ZNF829: variants seen among roughly 807,000 people sequenced by gnomAD.
ZNF829 encodes the protein zinc finger protein 829.
Under a neutral mutation model 35.2 loss-of-function variants are expected in ZNF829, and 25 were observed. The observed-to-expected ratio is 0.71, with a 90% CI of 0.52 to 0.99. The LOEUF is 0.99. ZNF829 is among the 50% of genes least tolerant of loss of function. The pLI, the probability that ZNF829 is intolerant of heterozygous loss-of-function variation, is 0.00. For missense variants in ZNF829, 417 were observed against 515.3 expected (o/e 0.81, Z 1.85); for synonymous variants, 136 against 163.2 (o/e 0.83, Z 1.27).
chr19:36,895,296 G>A (rs117157045), intron 5 of ZNF829, among the ~76,000 whole-genome samples: 3,657 of 152,242 alleles, frequency 0.024, 79 homozygotes, highest in Middle Eastern at 0.075. Flanking sequence ...GATCAAAAAT[G>A]GCAAAGGGTG....
rs1256346585 is a variant in ZNF829, at chr19:36,890,941, G to A, written c.*551C>T. ...TATATTAGACAAAATCATTCTAACA[G>A]GGTATTATGGGTTGAACTGTATCCC... On this transcript the variant is annotated 3_prime_UTR_variant, in exon 6 of 6. Transcript: ENST00000391711. The A allele has an allele frequency of 6.6e-6, 1 of 152,262 alleles. No individual in the cohort carries two copies. The highest frequency in any genetic ancestry group is 2.4e-5 in the African/African-American group (1 of 41,426). The allele number at this position is 152,262 out of a possible 1,614,324, so 9.4% of individuals were successfully genotyped here.
rs1488551130 is a variant in ZNF829, at chr19:36,891,635, C to T, written c.1156G>A (p.Gly386Arg). 6.2e-7 allele frequency: 1 copy of T among 1,613,368 alleles called. No individual in the cohort carries two copies. The highest frequency in any genetic ancestry group is 8.5e-7 in the Non-Finnish European group (1 of 1,179,838). ...DEKPYECNEC[G>R]KAFNKGSNLT... is the part of the protein sequence containing the mutation. ...TTTGAGCCTTTATTAAAGGCCTTCC[C>T]ACATTCATTACATTCATATGGTTTT... is the stretch of plus-strand genomic sequence containing the variant. Residue 386 changes from glycine to arginine, a missense_variant, in exon 6 of 6, where the codon GGG becomes AGG. Gly to Arg is a moderately radical substitution (Grantham distance 125). Transcript: ENST00000391711.
At chr19:36,899,542 A>T (rs2073143858) in intron 5 of ZNF829, among the ~76,000 whole-genome samples, 1 of 151,958 alleles carries the variant, frequency 6.6e-6, no homozygotes, top group South Asian at 2.1e-4. Context: ...ATTCAAAGTG[A>T]TGGGTATCTA....
At position 36,891,869 on chromosome 19, in the gene ZNF829, G is replaced by A. The variant is rs1330529342; in HGVS notation, c.922C>T (p.His308Tyr). 1.9e-6 allele frequency: 3 copies of A among 1,613,756 alleles called. No homozygotes were observed. The highest frequency in any genetic ancestry group is 2.5e-6 in the Non-Finnish European group (3 of 1,179,934). The change falls in exon 6 of 6, where the codon CAC becomes TAC. Residue 308 changes from histidine (H) to tyrosine (Y), a missense_variant. Coordinates refer to ENST00000391711, the MANE Select transcript of ZNF829 (RefSeq NM_001037232.4). The stretch of plus-strand genomic sequence containing the variant: ...CTCTGATGCTGAATAAGCCTTGAGT[G>A]TTGAGTAAAGGCTTTCCCACATTCT... ...CKECGKAFTQ[H>Y]SRLIQHQRMH... is the part of the protein sequence containing the mutation.
intron 5 of ZNF829, among the ~76,000 whole-genome samples, chr19:36,902,461 C>T (rs2073176380): frequency 6.6e-6 from 1 of 151,214 alleles, no homozygotes; most frequent in South Asian, 2.1e-4. Flanking sequence ...ATGGCAAAAT[C>T]CCATCTCTAC....
intron 5 of ZNF829, chr19:36,906,262 CA>C (rs1208780016): frequency 6.6e-6 from 1 of 152,042 alleles, no homozygotes; most frequent in African/African-American, 2.4e-5. Context: ...TTCTGTTCAT[CA>C]AAAGGTACTA....
intron 5 of ZNF829, chr19:36,905,476 C>A (rs2146242956): frequency 6.6e-6 from 1 of 150,496 alleles, no homozygotes; most frequent in Non-Finnish European, 1.5e-5. Flanking sequence ...TTGCTCTTGT[C>A]CCCCAGGCTG....
chr19:36,906,369 T>C (rs1057273107), intron 5 of ZNF829: 30 of 152,298 alleles, frequency 2.0e-4, no homozygotes, highest in African/African-American at 6.7e-4. Context: ...ATAAGAATTC[T>C]TTGAAACCAA....
chr19:36,899,653 G>C (rs1051615799), intron 5 of ZNF829, among the ~76,000 whole-genome samples: 1 of 150,176 alleles, frequency 6.7e-6, no homozygotes, highest in Admixed American at 6.6e-5. Flanking sequence ...TAAAAAAAAA[G>C]CTCATGAGAA....
Position 36,888,248 on chromosome 19 carries a change from A to G in ZNF829, c.*3244T>C, listed in dbSNP as rs1037681510. The G allele has an allele frequency of 1.2e-4, 18 of 152,202 alleles. No individual in the cohort carries two copies. Among genetic ancestry groups the G allele is most frequent in the Non-Finnish European group, 2.1e-4 (14 of 68,020 alleles). The allele number at this position is 152,202 out of a possible 1,614,324, so 9.4% of individuals were successfully genotyped here. ...TAAATTGTGCTGTCTTGTTTGATCA[A>G]AAGTTTGATAAAACATTTAATAGTA... On this transcript the variant is annotated 3_prime_UTR_variant, in exon 6 of 6. Coordinates refer to ENST00000391711, the MANE Select transcript of ZNF829 (RefSeq NM_001037232.4).
At chr19:36,914,305 G>T (rs891769158) in intron 3 of ZNF829, among the ~76,000 whole-genome samples, 2 of 152,044 alleles carry the variant, frequency 1.3e-5, no homozygotes, top group Non-Finnish European at 2.9e-5. Context: ...AGTCCAAATA[G>T]TAGGAAAACA....
At position 36,891,688 on chromosome 19, in the gene ZNF829, A is replaced by AT. The variant is rs1467098547; in HGVS notation, c.1102dup (p.Ile368AsnfsTer10). On this transcript the variant is annotated frameshift_variant, in exon 6 of 6. Transcript: ENST00000391711. LOFTEE classifies it high-confidence loss of function. ...ATCTGTATGGATTCTCTGATGTTGA[A>AT]TAAGTTCTGAGCTCTGAATAAAGGC... 5 of 1,613,798 alleles carry AT rather than the reference A, an allele frequency of 3.1e-6. No individual in the cohort carries two copies. The highest frequency in any genetic ancestry group is 1.7e-5 in the Admixed American group (1 of 59,938).
At chr19:36,908,943 C>A (rs149774380) in intron 3 of ZNF829, among the ~76,000 whole-genome samples, 38 of 152,184 alleles carry the variant, frequency 2.5e-4, no homozygotes, top group African/African-American at 6.7e-4. Flanking sequence ...AATTCTATAG[C>A]CAGTCAGATT....
Position 36,915,026 on chromosome 19 carries a change from G to T in ZNF829, c.39-4C>A, listed in dbSNP as rs780218593. On this transcript the variant is annotated splice_polypyrimidine_tract_variant and splice_region_variant and intron_variant, in intron 2 of 5. Transcript: ENST00000391711. ...TTCCTCCTCTTCTGGGTGACACCTG[G>T]AGAAAGGTAAAATTGGGAGAGGGAA... is the stretch of plus-strand genomic sequence containing the variant. 3.7e-6 allele frequency: 6 copies of T among 1,614,120 alleles called. No individual in the cohort carries two copies. Among genetic ancestry groups the T allele is most frequent in the South Asian group, 1.1e-5 (1 of 91,072 alleles).
chr19:36,899,270 C>CA (rs199856727), intron 5 of ZNF829, among the ~76,000 whole-genome samples: 61 of 151,966 alleles, frequency 4.0e-4, no homozygotes, highest in African/African-American at 1.4e-3. Flanking sequence ...GGAGACCCCC[C>CA]CCGATCTCTA....
At chr19:36,893,519 G>A (rs2073082270) in intron 5 of ZNF829, among the ~76,000 whole-genome samples, 1 of 152,118 alleles carries the variant, frequency 6.6e-6, no homozygotes, top group East Asian at 1.9e-4. Flanking sequence ...TTATTAAAAT[G>A]GGACTGACAC....
At chr19:36,895,365 C>T (rs2073102732) in intron 5 of ZNF829, among the ~76,000 whole-genome samples, 1 of 152,032 alleles carries the variant, frequency 6.6e-6, no homozygotes, top group Non-Finnish European at 1.5e-5. Flanking sequence ...AAATAAGAAG[C>T]TCACTGGTAG....
Position 36,891,418 on chromosome 19 carries a change from C to T in ZNF829, c.*74G>A. ...TAGGAGAACCTTTGATAATATGTAT[C>T]CTAATTTGTTCTCCTTACCTGTTTT... On this transcript the variant is annotated 3_prime_UTR_variant, in exon 6 of 6. Transcript: ENST00000391711. 7.1e-7 allele frequency: 1 copy of T among 1,404,956 alleles called. No homozygotes were observed. The highest frequency in any genetic ancestry group is 9.5e-7 in the Non-Finnish European group (1 of 1,050,774). 87.0% of individuals were successfully genotyped at this position (1,404,956 alleles called of 1,614,324 possible).
intron 5 of ZNF829, chr19:36,906,080 T>C (rs2073213342): frequency 6.6e-6 from 1 of 151,942 alleles, no homozygotes; most frequent in Non-Finnish European, 1.5e-5. Context: ...CACATACAAA[T>C]ACCAACTTCA....
Sources: allele counts gnomAD v4.1 joint callset (sites outside exome capture counted in the v4.1 genomes callset), GRCh38; gene constraint gnomAD v4.1.1; transcripts MANE v1.5; gene names NCBI Gene and HGNC (gene_info 2026-07-23, HGNC 2026-07-21).